Variants in CDH12 observed in about 807,000 individuals in gnomAD.
CDH12 encodes cadherin 12.
A neutral mutation model predicts 74.1 loss-of-function variants in CDH12; 41 were observed. The observed-to-expected ratio is 0.55, with a 90% CI of 0.43 to 0.72. The LOEUF (loss-of-function observed/expected upper bound fraction) is 0.72, where lower values mean the gene tolerates loss of function less well. Ranked by LOEUF, CDH12 falls within the 30% of genes least tolerant of loss-of-function variation. The pLI, the probability that CDH12 is intolerant of heterozygous loss-of-function variation, is 0.00. For synonymous variants in CDH12, 399 were observed against 355.0 expected, an observed-to-expected ratio of 1.12 and a Z score of -1.39; for missense variants, 945 against 977.2, an observed-to-expected ratio of 0.97 and a Z score of 0.44.
At chr5:22,469,112 C>T (rs1745855973) in intron 2 of CDH12, among the ~76,000 whole-genome samples, 1 of 152,162 alleles carries the variant, frequency 6.6e-6, no homozygotes, top group Non-Finnish European at 1.5e-5. Flanking sequence ...TTATCATCAT[C>T]AAGAAGGTAG....
intron 1 of CDH12, among the ~76,000 whole-genome samples, chr5:22,578,816 C>T (rs905783282): frequency 6.6e-6 from 1 of 152,082 alleles, no homozygotes; most frequent in Non-Finnish European, 1.5e-5. Flanking sequence ...TGCTATTTAA[C>T]TTGATCCGAT....
At chr5:22,260,648 T>C (rs1336395056) in intron 3 of CDH12, among the ~76,000 whole-genome samples, 1 of 151,994 alleles carries the variant, frequency 6.6e-6, no homozygotes, top group Non-Finnish European at 1.5e-5. Flanking sequence ...AGAGTTAGTT[T>C]TAAATTTTCG....
intron 3 of CDH12, among the ~76,000 whole-genome samples, chr5:22,400,128 C>A (rs1199959257): frequency 6.6e-6 from 1 of 152,114 alleles, no homozygotes; most frequent in Non-Finnish European, 1.5e-5. Context: ...GGTTAGATAT[C>A]TCTGATTTGC....
At chr5:21,872,105 A>G (rs1056058032) in intron 6 of CDH12, among the ~76,000 whole-genome samples, 4 of 152,114 alleles carry the variant, frequency 2.6e-5, no homozygotes, top group African/African-American at 9.7e-5. Context: ...CTTGAACTGT[A>G]CTTCTAAGAT....
intron 2 of CDH12, among the ~76,000 whole-genome samples, chr5:22,484,988 G>C (rs1323167776): frequency 6.6e-6 from 1 of 151,864 alleles, no homozygotes; most frequent in East Asian, 1.9e-4. Context: ...AAAATATTAG[G>C]GAAAATAGAA....
chr5:22,373,774 A>G (rs758156860), intron 3 of CDH12, among the ~76,000 whole-genome samples: 51 of 152,196 alleles, frequency 3.4e-4, no homozygotes, highest in Non-Finnish European at 6.8e-4. Context: ...ACATATATAC[A>G]TCTTTAGGAA....
chr5:22,025,289 A>T (rs1429650211), intron 5 of CDH12, among the ~76,000 whole-genome samples: 6 of 152,190 alleles, frequency 3.9e-5, no homozygotes, highest in Non-Finnish European at 8.8e-5. Flanking sequence ...GATATAATAT[A>T]CATATATTCA....
At chr5:22,110,376 T>C (rs939656779) in intron 4 of CDH12, among the ~76,000 whole-genome samples, 1 of 151,348 alleles carries the variant, frequency 6.6e-6, no homozygotes, top group Non-Finnish European at 1.5e-5. Context: ...TTAATAGACA[T>C]GAGGCCAGGT....
In CDH12 at chr5:21,816,776, C is replaced by CAG. The variant is rs201099754; in HGVS notation, c.1002+167_1002+168dup. ...TTTTGTAAGATCCAAAAGATACATG[C>CAG]AGATTTTTGACGGCACGGAGTATCA... On this transcript the variant is annotated intron_variant, in intron 9 of 14. Coordinates refer to ENST00000382254, the MANE Select transcript of CDH12 (RefSeq NM_004061.5). Among the ~76,000 whole-genome samples, 152 of 151,488 alleles carry CAG rather than the reference C, an allele frequency of 1.0e-3. 1 individual carries two copies. The East Asian group carries it at 0.024, about 23-fold the overall frequency.
At chr5:21,817,534 T>C (rs550523096) in intron 8 of CDH12, among the ~76,000 whole-genome samples, 31 of 152,052 alleles carry the variant, frequency 2.0e-4, no homozygotes, top group African/African-American at 7.5e-4. Context: ...AGATGATAGA[T>C]AGATGATAGA....
intron 2 of CDH12, among the ~76,000 whole-genome samples, chr5:22,485,733 A>G (rs1355129129): frequency 6.6e-6 from 1 of 152,196 alleles, no homozygotes; most frequent in Non-Finnish European, 1.5e-5. Flanking sequence ...TACAGCATGG[A>G]AGAAATTGTT....
chr5:22,421,347 T>C (rs1743644435), intron 2 of CDH12, among the ~76,000 whole-genome samples: 2 of 152,188 alleles, frequency 1.3e-5, no homozygotes, highest in African/African-American at 2.4e-5. Flanking sequence ...TAACCTGCAC[T>C]CCCTGACAGG....
intron 1 of CDH12, among the ~76,000 whole-genome samples, chr5:22,515,966 A>G (rs1421878839): frequency 6.6e-6 from 1 of 152,166 alleles, no homozygotes; most frequent in Non-Finnish European, 1.5e-5. Flanking sequence ...AAGCAATTGT[A>G]CAATACAATT....
chr5:21,835,548 T>C (rs937274546), intron 8 of CDH12, among the ~76,000 whole-genome samples: 1 of 151,800 alleles, frequency 6.6e-6, no homozygotes, highest in Non-Finnish European at 1.5e-5. Flanking sequence ...TTTTCACTAT[T>C]TATGCAAAAT....
At chr5:22,112,288 ACT>A (rs1336463989) in intron 4 of CDH12, among the ~76,000 whole-genome samples, 2 of 151,786 alleles carry the variant, frequency 1.3e-5, no homozygotes, top group Admixed American at 1.3e-4. Flanking sequence ...TCTATTTCAA[ACT>A]CTCTAATTTT....
chr5:21,776,630 T>A (rs967563323), intron 11 of CDH12, among the ~76,000 whole-genome samples: 2 of 152,170 alleles, frequency 1.3e-5, no homozygotes, highest in African/African-American at 4.8e-5. Flanking sequence ...TTATGTGCCA[T>A]CCTCCACCCC....
intron 6 of CDH12, among the ~76,000 whole-genome samples, chr5:21,966,569 C>T (rs1042537594): frequency 1.4e-4 from 22 of 152,196 alleles, no homozygotes; most frequent in African/African-American, 5.1e-4. Context: ...TAAAATAGTG[C>T]CTGTCACGTA....
At position 22,155,485 on chromosome 5, in the gene CDH12, C is replaced by A. The variant is rs976845667; in HGVS notation, c.-187+57013G>T. ...TAGGGTTTTAAGCAGATATAAAGAT[C>A]TTTTAATCATGCTACTACCTAATTA... On this transcript the variant is annotated intron_variant, in intron 4 of 14. Coordinates refer to ENST00000382254, the MANE Select transcript of CDH12 (RefSeq NM_004061.5). 7.2e-5 allele frequency among the ~76,000 whole-genome samples: 11 copies of A among 151,956 alleles called. 1 individual carries two copies. Among genetic ancestry groups the A allele is most frequent in the Non-Finnish European group, 1.3e-4 (9 of 68,014 alleles).
At chr5:21,783,599 T>G in intron 10 of CDH12, 105 bp from the exon 11 acceptor site, 2 of 777,874 alleles carry the variant, frequency 2.6e-6, no homozygotes, top group Non-Finnish European at 4.2e-6. Context: ...CTGTAGCTAT[T>G]ACCCACCTTG....
Sources: allele counts gnomAD v4.1 joint callset (sites outside exome capture counted in the v4.1 genomes callset), GRCh38; gene constraint gnomAD v4.1.1; transcripts MANE v1.5; gene names NCBI Gene and HGNC (gene_info 2026-07-23, HGNC 2026-07-21).